GLI3: variants seen among roughly 807,000 people sequenced by gnomAD.
GLI3 encodes GLI family zinc finger 3.
GLI3 carries 20 observed loss-of-function variants against 100.8 expected under a neutral mutation model. The observed-to-expected ratio is 0.20, with a 90% CI of 0.14 to 0.29. The LOEUF (loss-of-function observed/expected upper bound fraction) is 0.29. Among genes scored for constraint, GLI3 ranks in the 10% least tolerant of loss-of-function variants. The pLI, the probability that GLI3 is intolerant of heterozygous loss-of-function variation, is 1.00. For missense variants in GLI3, 2,040 were observed against 2,128.5 expected, an observed-to-expected ratio of 0.96 and a Z score of 0.82; for synonymous variants, 938 against 860.5, an observed-to-expected ratio of 1.09 and a Z score of -1.58.
chr7:42,019,653 AC>A (rs199823376), intron 10 of GLI3, among the ~76,000 whole-genome samples: 4 of 152,340 alleles, frequency 2.6e-5, no homozygotes, highest in African/African-American at 9.6e-5. Flanking sequence ...ATAATGCTCA[AC>A]AAAAAAAAAG....
chr7:42,078,708 A>C (rs1476004675), intron 3 of GLI3, among the ~76,000 whole-genome samples: 2 of 148,850 alleles, frequency 1.3e-5, no homozygotes, highest in Non-Finnish European at 3.0e-5. Context: ...TATACTAATG[A>C]CCTGATCATT....
At chr7:42,130,576 C>T (rs1355224085) in intron 3 of GLI3, among the ~76,000 whole-genome samples, 2 of 151,952 alleles carry the variant, frequency 1.3e-5, no homozygotes, top group African/African-American at 2.4e-5. Context: ...TTTCCCAGAG[C>T]ACAGAACCAA....
chr7:42,102,846 G>A (rs1785496609), intron 3 of GLI3, among the ~76,000 whole-genome samples: 1 of 152,192 alleles, frequency 6.6e-6, no homozygotes, highest in African/African-American at 2.4e-5. Context: ...GGATATGGGA[G>A]TGCCATCTCA....
At chr7:42,200,830 T>C (rs1788023928) in intron 2 of GLI3, among the ~76,000 whole-genome samples, 1 of 151,870 alleles carries the variant, frequency 6.6e-6, no homozygotes, top group Non-Finnish European at 1.5e-5. Context: ...CATTTATATG[T>C]GGATTGGTTA....
chr7:42,086,654 A>T (rs2128754953), intron 3 of GLI3, among the ~76,000 whole-genome samples: 1 of 152,008 alleles, frequency 6.6e-6, no homozygotes, highest in East Asian at 1.9e-4. Flanking sequence ...CTCTTACCCA[A>T]GTCTTACCCC....
chr7:42,178,249 C>A (rs1200728488), intron 2 of GLI3, among the ~76,000 whole-genome samples: 1 of 152,228 alleles, frequency 6.6e-6, no homozygotes, highest in East Asian at 1.9e-4. Flanking sequence ...AAAGTGCCAA[C>A]AAAGTTGTGT....
rs766488908 is a variant in GLI3, at chr7:41,965,304, A to G, written c.3769T>C (p.Cys1257Arg). 4 of 1,613,948 alleles carry G rather than the reference A, an allele frequency of 2.5e-6. No homozygotes were observed. In the East Asian group the frequency reaches 8.9e-5, roughly 36 times the overall value. Residue 1257 changes from cysteine (C) to arginine (R), a missense_variant, in exon 15 of 15, where the codon TGT becomes CGT. By Grantham distance (180) the Cys-to-Arg change is radical. Coordinates refer to ENST00000395925, the MANE Select transcript of GLI3 (RefSeq NM_000168.6). ...GGGGCCACTGGCTGCCTGTTGAGACAGTTCCCATACTGCGGGGCCTTACAG... is the reference window on the plus strand; with the variant it reads ...GGGGCCACTGGCTGCCTGTTGAGACGGTTCCCATACTGCGGGGCCTTACAG... Reference protein sequence around the residue: ...QPCKAPQYGNCLNRQPVAPGA... With the variant: ...QPCKAPQYGNRLNRQPVAPGA...
chr7:41,998,906 T>C (rs1473407299), intron 10 of GLI3, among the ~76,000 whole-genome samples: 1 of 152,246 alleles, frequency 6.6e-6, no homozygotes, highest in Non-Finnish European at 1.5e-5. Context: ...CAATGTCCTA[T>C]TTAATCTTCT....
At chr7:42,136,201 C>T (rs1348689607) in intron 3 of GLI3, among the ~76,000 whole-genome samples, 1 of 152,188 alleles carries the variant, frequency 6.6e-6, no homozygotes, top group African/African-American at 2.4e-5. Flanking sequence ...TCCAAAGAGA[C>T]AGCCCATCTT....
intron 1 of GLI3, among the ~76,000 whole-genome samples, chr7:42,224,856 C>G (rs2128703286): frequency 6.6e-6 from 1 of 152,360 alleles, no homozygotes; most frequent in Middle Eastern, 3.4e-3. Context: ...GTGATCTCAT[C>G]TGTCAAATGA....
At chr7:42,027,695 A>G (rs1405481353) in intron 7 of GLI3, among the ~76,000 whole-genome samples, 2 of 152,236 alleles carry the variant, frequency 1.3e-5, no homozygotes, top group East Asian at 1.9e-4. Context: ...ACCTTACATT[A>G]CAATAGCTTG....
In GLI3 at chr7:42,208,686, A is replaced by T. The variant is rs572372328; in HGVS notation, c.124+14444T>A. ...ATTTGCAAAAGCTCTAAGTGAAGCC[A>T]TGATGAACTATAACTACATAAAACC... On this transcript the variant is annotated intron_variant, in intron 2 of 14. Transcript: ENST00000395925. 3.1e-4 allele frequency among the ~76,000 whole-genome samples: 47 copies of T among 152,364 alleles called. 1 individual carries two copies. The South Asian group carries it at 9.5e-3, about 31-fold the overall frequency.
At position 42,025,253 on chromosome 7, in the gene GLI3, C is replaced by G. The variant is rs846273; in HGVS notation, c.1356+11G>C. 0.97 allele frequency: 1,542,746 copies of G among 1,582,426 alleles called. 752,165 individuals carry two copies. Among genetic ancestry groups the G allele is most frequent in the Admixed American group, 0.99 (59,150 of 60,000 alleles). ...GAGTGGGCGCTGGCCTGTGCGGCCT[C>G]GGTGTCCTACCTGCTGCCCCCGAGC... On this transcript the variant is annotated intron_variant, in intron 9 of 14. Transcript: ENST00000395925.
chr7:42,144,441 C>A (rs1786652382), intron 3 of GLI3, among the ~76,000 whole-genome samples: 1 of 152,164 alleles, frequency 6.6e-6, no homozygotes, highest in Non-Finnish European at 1.5e-5. Context: ...TCCACTGCGA[C>A]CCTTCATGAG....
intron 2 of GLI3, among the ~76,000 whole-genome samples, chr7:42,176,700 T>A (rs1464008887): frequency 2.0e-5 from 3 of 152,208 alleles, no homozygotes; most frequent in Non-Finnish European, 4.4e-5. Flanking sequence ...AAAGAAACTA[T>A]TCCCTGAATC....
chr7:42,174,852 C>T (rs1232622792), intron 2 of GLI3, among the ~76,000 whole-genome samples: 1 of 152,166 alleles, frequency 6.6e-6, no homozygotes, highest in Non-Finnish European at 1.5e-5. Flanking sequence ...TCCCCGAGCG[C>T]CATTTCCTCA....
intron 1 of GLI3, among the ~76,000 whole-genome samples, chr7:42,233,301 G>C (rs1467404299): frequency 6.6e-6 from 1 of 152,202 alleles, no homozygotes; most frequent in Non-Finnish European, 1.5e-5. Context: ...AGCTTAGTGA[G>C]CTCATAAAAC....
Position 41,966,262 on chromosome 7 carries a change from T to A in GLI3, c.2811A>T (p.Thr937=). The change falls in exon 15 of 15, where the codon ACA becomes ACT. Residue 937 remains threonine, a synonymous_variant. Transcript: ENST00000395925. The surrounding 1 kb of genome is among the most constrained non-coding windows in gnomAD (Gnocchi z 5.8). ...YRLKAKYAAA[T]GGPPPTPLPN... is the part of the protein sequence containing the mutation. Reference sequence around the variant, plus strand: ...GCAGGGGCGTCGGCGGCGGCCCTCCTGTGGCAGCCGCGTACTTGGCCTTGA... The same window carrying A: ...GCAGGGGCGTCGGCGGCGGCCCTCCAGTGGCAGCCGCGTACTTGGCCTTGA... 6.2e-7 allele frequency: 1 copy of A among 1,607,864 alleles called. No homozygotes were observed. The highest frequency in any genetic ancestry group is 8.5e-7 in the Non-Finnish European group (1 of 1,179,094).
chr7:42,218,460 C>T (rs1348162469), intron 2 of GLI3, among the ~76,000 whole-genome samples: 2 of 142,094 alleles, frequency 1.4e-5, no homozygotes, highest in Non-Finnish European at 3.1e-5. Context: ...CTTTTAAAGG[C>T]AAAAACCGCA....
Sources: gnomAD v4.1 joint callset for allele counts (sites outside exome capture counted in the v4.1 genomes callset) on GRCh38, gnomAD v4.1.1 for gene constraint, Gnocchi (gnomAD v3.1) non-coding constraint, MANE v1.5 for transcripts, NCBI Gene and HGNC (gene_info 2026-07-23, HGNC 2026-07-21) for gene names.